The following KIF13B variants were observed in gnomAD, a reference collection of about 807,000 sequenced individuals.
The protein encoded by KIF13B is kinesin-like protein KIF13B.
A neutral mutation model predicts 222.0 loss-of-function variants in KIF13B; 127 were observed. The observed-to-expected ratio is 0.57, with a 90% confidence interval of 0.50 to 0.66. The LOEUF is 0.66. KIF13B is among the 30% of genes least tolerant of loss of function. The pLI, the probability that KIF13B is intolerant of heterozygous loss-of-function variation, is 0.00. For missense variants in KIF13B, 2,173 were observed against 2,379.0 expected (o/e 0.91, Z 1.80); for synonymous variants, 976 against 919.0 (o/e 1.06, Z -1.12).
chr8:29,258,233 C>G (rs955599310), intron 1 of KIF13B, among the ~76,000 whole-genome samples: 2 of 152,312 alleles, frequency 1.3e-5, no homozygotes, highest in Non-Finnish European at 1.5e-5. Flanking sequence ...CTTCCTCGCA[C>G]TTGCTGGGTT....
chr8:29,197,331 C>T (rs1421461809), intron 2 of KIF13B, among the ~76,000 whole-genome samples: 3 of 82,328 alleles, frequency 3.6e-5, no homozygotes, highest in Admixed American at 1.2e-4. Flanking sequence ...AGCGAGACTC[C>T]GTCTCAAAAA....
At chr8:29,262,184 T>C (rs564354521) in intron 1 of KIF13B, among the ~76,000 whole-genome samples, 23 of 152,292 alleles carry the variant, frequency 1.5e-4, no homozygotes, top group Middle Eastern at 3.4e-3. Flanking sequence ...CCCCTGACTT[T>C]TGGGGTTCTC....
intron 26 of KIF13B, among the ~76,000 whole-genome samples, chr8:29,125,964 T>C (rs1229109261): frequency 6.6e-6 from 1 of 151,726 alleles, no homozygotes; most frequent in Non-Finnish European, 1.5e-5. Flanking sequence ...AAAAATTAGC[T>C]GGGCATGGTG....
intron 4 of KIF13B, chr8:29,189,821 G>T (rs1813096506): frequency 6.6e-6 from 1 of 152,264 alleles, no homozygotes; most frequent in Non-Finnish European, 1.5e-5. Flanking sequence ...TCATGTAAGA[G>T]CTGGGGCGTG....
At chr8:29,206,694 G>C (rs1813958723) in intron 2 of KIF13B, among the ~76,000 whole-genome samples, 1 of 152,164 alleles carries the variant, frequency 6.6e-6, no homozygotes, top group Non-Finnish European at 1.5e-5. Context: ...CTAAGCCCTG[G>C]AGAGACAGCC....
At chr8:29,158,030 T>G (rs1208191017) in intron 13 of KIF13B, among the ~76,000 whole-genome samples, 1 of 152,178 alleles carries the variant, frequency 6.6e-6, no homozygotes, top group African/African-American at 2.4e-5. Flanking sequence ...TTGAGCACAC[T>G]GAGCCTATTT....
chr8:29,260,466 C>G (rs1198190107), intron 1 of KIF13B, among the ~76,000 whole-genome samples: 2 of 152,024 alleles, frequency 1.3e-5, no homozygotes, highest in African/African-American at 2.4e-5. Flanking sequence ...TATTAGGACT[C>G]AAGTTTTACT....
Position 29,071,992 on chromosome 8 carries a change from C to T in KIF13B, c.4846G>A (p.Val1616Ile), listed in dbSNP as rs1471414893. The change falls in exon 39 of 40, where the codon GTC becomes ATC. Residue 1616 changes from valine to isoleucine, a missense_variant. This residue lies in a region of KIF13B where 693 missense variants were observed against 656.2 expected (regional missense o/e 1.06). Coordinates refer to ENST00000524189, the MANE Select transcript of KIF13B (RefSeq NM_015254.4). This position sits in a 1 kb window ranked among gnomAD's most constrained non-coding sequence, Gnocchi z 4.9. ...PISHPPPPTA[V>I]PAEEPPGPQQ... ...GGGCCAGGGGGCTCCTCGGCGGGGA[C>T]GGCCGTGGGCGGTGGGGGGTGGCTG... The T allele has an allele frequency of 1.6e-6, 2 of 1,289,870 alleles. No individual in the cohort carries two copies. Among genetic ancestry groups the T allele is most frequent in the Admixed American group, 8.6e-5 (2 of 23,270 alleles). The allele number at this position is 1,289,870 out of a possible 1,614,324, so 79.9% of individuals were successfully genotyped here.
In KIF13B at chr8:29,070,774, G is replaced by A. The variant is rs1278185820; in HGVS notation, c.5219-8C>T. The stretch of plus-strand genomic sequence containing the variant: ...TGGAACCGTCATTCTTACCTGCGGG[G>A]GAAGGAGAGGGTGATATGGAGGGCA... On this transcript the variant is annotated splice_polypyrimidine_tract_variant and splice_region_variant and intron_variant, in intron 39 of 39. Coordinates refer to ENST00000524189, the MANE Select transcript of KIF13B (RefSeq NM_015254.4). This position sits in a 1 kb window ranked among gnomAD's most constrained non-coding sequence, Gnocchi z 4.1. 7 of 1,585,112 alleles carry A rather than the reference G, an allele frequency of 4.4e-6. No homozygotes were observed. The highest frequency in any genetic ancestry group is 1.3e-5 in the African/African-American group (1 of 74,388).
Position 29,146,442 on chromosome 8 carries a change from T to A in KIF13B, c.2123A>T (p.Asp708Val). 1 of 1,613,980 alleles carries A rather than the reference T, an allele frequency of 6.2e-7. No individual in the cohort carries two copies. The highest frequency in any genetic ancestry group is 1.3e-5 in the African/African-American group (1 of 75,048). Residue 708 changes from aspartate (D) to valine (V), a missense_variant, in exon 18 of 40, where the codon GAT becomes GTT. By Grantham distance (152) the Asp-to-Val change is radical. Transcript: ENST00000524189. The stretch of plus-strand genomic sequence containing the variant: ...GGTAACTTTGTATTCTGTTCTTTTA[T>A]CCAGCTCCTCAGCAATGTAATTAGC... ...REANYIAEEL[D>V]KRTEYKVTLQ...
Position 29,134,060 on chromosome 8 carries a change from C to T in KIF13B, c.2764G>A (p.Val922Ile), listed in dbSNP as rs779868044. ...CTCACATTGCAATGATCAAAGACAA[C>T]CATGCAGTGCGGCTCCTTGCTGACG... ...SSVSKEPHCM[V>I]VFDHCNEFSV... The change falls in exon 22 of 40, where the codon GTT becomes ATT. Residue 922 changes from valine (V) to isoleucine (I), a missense_variant. Physicochemically the swap from Val to Ile is conservative, Grantham distance 29. Coordinates refer to ENST00000524189, the MANE Select transcript of KIF13B (RefSeq NM_015254.4). 6.2e-7 allele frequency: 1 copy of T among 1,613,816 alleles called. No individual in the cohort carries two copies. Among genetic ancestry groups the T allele is most frequent in the South Asian group, 1.1e-5 (1 of 91,042 alleles).
chr8:29,262,239 C>G (rs1816705071), intron 1 of KIF13B, among the ~76,000 whole-genome samples: 1 of 152,242 alleles, frequency 6.6e-6, no homozygotes, highest in Admixed American at 6.5e-5. Flanking sequence ...CTCGGTTTAT[C>G]TGCCTTCTCT....
Position 29,130,806 on chromosome 8 carries a change from C to T in KIF13B, c.2943-141G>A. 4 of 708,538 alleles carry T rather than the reference C, an allele frequency of 5.6e-6. No homozygotes were observed. In the East Asian group the frequency reaches 1.1e-4, roughly 19 times the overall value. 43.9% of individuals were successfully genotyped at this position (708,538 alleles called of 1,614,324 possible). A position where few individuals can be genotyped will look rare whatever the true frequency, so the allele number is the denominator to read the frequency against. ...AGAATGATCTGTAGTTCAGTGAATA[C>T]CATGCATGTACATACTGGCAAGAAT... On this transcript the variant is annotated intron_variant, in intron 23 of 39. Transcript: ENST00000524189.
At chr8:29,146,683 G>A in intron 17 of KIF13B, 143 bp from the exon 18 acceptor site, 1 of 713,958 alleles carries the variant, frequency 1.4e-6, no homozygotes, top group South Asian at 1.9e-5. Context: ...GGACTGTGTT[G>A]CTGACACTGA....
chr8:29,105,680 A>T (rs1809032476), intron 35 of KIF13B, among the ~76,000 whole-genome samples: 2 of 38,436 alleles, frequency 5.2e-5, no homozygotes, highest in South Asian at 6.7e-4. Flanking sequence ...TTTTTTTGAG[A>T]CAGAGTCTCG....
intron 10 of KIF13B, among the ~76,000 whole-genome samples, chr8:29,172,670 C>T (rs890672646): frequency 2.0e-5 from 3 of 152,140 alleles, no homozygotes; most frequent in South Asian, 2.1e-4. Flanking sequence ...GTCAAGTCAG[C>T]GATGATTCCA....
At chr8:29,217,450 T>C (rs1814536729) in intron 2 of KIF13B, among the ~76,000 whole-genome samples, 2 of 152,216 alleles carry the variant, frequency 1.3e-5, no homozygotes, top group Admixed American at 6.5e-5. Flanking sequence ...TCCTGCTCTA[T>C]AAAATGTAGC....
chr8:29,263,342 T>C (rs1023730926), upstream of KIF13B, among the ~76,000 whole-genome samples: 2 of 152,246 alleles, frequency 1.3e-5, no homozygotes, highest in Non-Finnish European at 2.9e-5. Flanking sequence ...GCAGCCAGTA[T>C]TGAGAAGTAA....
intron 2 of KIF13B, among the ~76,000 whole-genome samples, chr8:29,215,201 AGTG>A (rs1346773565): frequency 6.6e-6 from 1 of 152,006 alleles, no homozygotes; most frequent in African/African-American, 2.4e-5. Flanking sequence ...AAGTAGAGTG[AGTG>A]GTATGTGGGG....
Sources: allele counts gnomAD v4.1 joint callset (sites outside exome capture counted in the v4.1 genomes callset), GRCh38; gene constraint gnomAD v4.1.1; regional missense constraint gnomAD v4.1.1; non-coding constraint Gnocchi (gnomAD v3.1); transcripts MANE v1.5; gene names NCBI Gene and HGNC (gene_info 2026-07-23, HGNC 2026-07-21).